The following CERS3 variants were observed in gnomAD, a reference collection of about 807,000 sequenced individuals.
CERS3 encodes LAG1 homolog, ceramide synthase 3.
In CERS3, 33 loss-of-function variants were observed where a neutral mutation model predicts 50.3. That is an observed-to-expected ratio of 0.66 (90% CI 0.50 to 0.88). The LOEUF is 0.88. Among genes scored for constraint, CERS3 ranks in the 40% least tolerant of loss-of-function variants. The probability of loss-of-function intolerance (pLI) is 0.00; values close to 1 mark genes in which losing one functional copy is unlikely to be tolerated. For missense variants in CERS3, 470 were observed against 460.3 expected, an observed-to-expected ratio of 1.02 and a Z score of -0.19; for synonymous variants, 176 against 155.2, an observed-to-expected ratio of 1.13 and a Z score of -0.99.
At chr15:100,479,609 C>A in intron 6 of CERS3, 131 bp from the exon 7 acceptor site, 1 of 665,212 alleles carries the variant, frequency 1.5e-6, no homozygotes, top group East Asian at 2.7e-5. Flanking sequence ...AGGAAATTGA[C>A]CTTTGCCATA....
chr15:100,514,501 A>G lies in CERS3; in HGVS notation c.-2+7166T>C, dbSNP rs1229060437. On this transcript the variant is annotated intron_variant, in intron 2 of 11. Transcript: ENST00000679737. ...GTGTACCTGGGAATATACATAAAAC[A>G]TAAAACTGGACACAATTTTTGAAAG... is the stretch of plus-strand genomic sequence containing the variant. 3.3e-5 allele frequency among the ~76,000 whole-genome samples: 5 copies of G among 152,348 alleles called. No homozygotes were observed. The East Asian group carries it at 7.7e-4, about 23-fold the overall frequency.
At chr15:100,425,983 C>G (rs1213005513) in intron 11 of CERS3, 1 of 152,272 alleles carries the variant, frequency 6.6e-6, no homozygotes, top group African/African-American at 2.4e-5. Flanking sequence ...TCTCTTCCTC[C>G]TACTCCAGCC....
chr15:100,526,229 G>A (rs974318210), intron 1 of CERS3, among the ~76,000 whole-genome samples: 3 of 152,216 alleles, frequency 2.0e-5, no homozygotes, highest in Non-Finnish European at 4.4e-5. Flanking sequence ...TTATAAAGGT[G>A]TACACCTGCA....
chr15:100,507,214 C>T lies in CERS3; in HGVS notation c.-1-5364G>A, dbSNP rs571119989. ...TTTATGACTTTATGGAAGAAAAAAA[C>T]AGTATGCTTTAAAAAGCAAAATTGA... On this transcript the variant is annotated intron_variant, in intron 2 of 11. Transcript: ENST00000679737. Among the ~76,000 whole-genome samples the T allele has an allele frequency of 2.6e-5, 4 of 152,262 alleles. No individual in the cohort carries two copies. In the South Asian group the frequency reaches 8.3e-4, roughly 32 times the overall value.
At chr15:100,543,314 C>G (rs1704260272) in intron 1 of CERS3, among the ~76,000 whole-genome samples, 1 of 152,128 alleles carries the variant, frequency 6.6e-6, no homozygotes, top group Non-Finnish European at 1.5e-5. Context: ...TTACGCTGCC[C>G]AAACCAACCT....
chr15:100,413,510 G>GACTATACTATACTATACTAT (rs56261519), intron 11 of CERS3, among the ~76,000 whole-genome samples: 19 of 149,652 alleles, frequency 1.3e-4, no homozygotes, highest in East Asian at 3.9e-4. Flanking sequence ...CACAACTGAC[G>GACTATACTATACTATACTAT]ACTATACTAT....
At chr15:100,422,015 T>C (rs2032469686) in intron 11 of CERS3, among the ~76,000 whole-genome samples, 2 of 107,726 alleles carry the variant, frequency 1.9e-5, no homozygotes, top group African/African-American at 3.4e-5. Context: ...ATTCAGGACA[T>C]AGGCATGGGC....
intron 9 of CERS3, among the ~76,000 whole-genome samples, chr15:100,470,037 C>T (rs890388974): frequency 7.2e-5 from 11 of 152,276 alleles, no homozygotes; most frequent in Middle Eastern, 6.8e-3. Flanking sequence ...TTCTTTTATG[C>T]TAGTCTATAC....
intron 11 of CERS3, among the ~76,000 whole-genome samples, chr15:100,419,890 CAAAGACACAACATA>C: frequency 1.3e-5 from 2 of 149,260 alleles, no homozygotes; most frequent in South Asian, 4.4e-4. Context: ...CCAACGAGAA[CAAAGACACAACATA>C]CCAGAATCTC....
chr15:100,459,327 G>A (rs1273929880), intron 10 of CERS3, among the ~76,000 whole-genome samples: 1 of 151,842 alleles, frequency 6.6e-6, no homozygotes, highest in Non-Finnish European at 1.5e-5. Flanking sequence ...ACATGGTCTC[G>A]CTCTGTCTCC....
At chr15:100,450,193 G>A (rs1373511123) in intron 11 of CERS3, among the ~76,000 whole-genome samples, 1 of 152,020 alleles carries the variant, frequency 6.6e-6, no homozygotes, top group Non-Finnish European at 1.5e-5. Flanking sequence ...GGCCAAGGTG[G>A]GCAGATCATG....
At chr15:100,469,516 G>T in intron 9 of CERS3, 32 bp from the exon 10 acceptor site, 1 of 1,391,508 alleles carries the variant, frequency 7.2e-7, no homozygotes, top group South Asian at 1.2e-5. Flanking sequence ...CAGATAAAGT[G>T]ACAATAGCCT....
At chr15:100,518,331 G>C (rs769573910) in intron 2 of CERS3, among the ~76,000 whole-genome samples, 10 of 152,032 alleles carry the variant, frequency 6.6e-5, no homozygotes, top group Non-Finnish European at 5.9e-5. Context: ...CAGGGACACA[G>C]AGAGAGAGAA....
At position 100,490,857 on chromosome 15, in the gene CERS3, A is replaced by C. The variant is rs1408659686; in HGVS notation, c.248T>G (p.Leu83Ter). The change falls in exon 4 of 12, where the codon TTA (leucine) becomes TGA (stop). Residue 83 changes from leucine (L) to a stop codon, truncating the protein, a stop_gained. Transcript: ENST00000679737. LOFTEE classifies it high-confidence loss of function. ...TVRKVTPNTV[L>*]ENFFKHSTRQ... ...TGTGGAATGTTTGAAAAAATTCTCT[A>C]AGACAGTATTTGGTGTAACCTTTCG... The C allele has an allele frequency of 1.9e-6, 3 of 1,612,578 alleles. No homozygotes were observed. The highest frequency in any genetic ancestry group is 2.5e-6 in the Non-Finnish European group (3 of 1,179,000).
At chr15:100,514,876 A>C (rs758365922) in intron 2 of CERS3, among the ~76,000 whole-genome samples, 36 of 152,232 alleles carry the variant, frequency 2.4e-4, no homozygotes, top group Non-Finnish European at 4.3e-4. Context: ...TATTGTTATC[A>C]CTGATTCAAC....
chr15:100,522,211 C>T (rs73475756), intron 1 of CERS3, among the ~76,000 whole-genome samples: 8,445 of 152,250 alleles, frequency 0.055, 441 homozygotes, highest in African/African-American at 0.12. Flanking sequence ...GTAACAATTA[C>T]AGTTTGTCAT....
At chr15:100,492,051 T>C (rs1165771633) in intron 3 of CERS3, among the ~76,000 whole-genome samples, 1 of 152,138 alleles carries the variant, frequency 6.6e-6, no homozygotes, top group Admixed American at 6.5e-5. Flanking sequence ...TTTTATTTCA[T>C]TGTGGTTGGA....
rs149731434 is a variant in CERS3, at chr15:100,441,283, C to A, written c.999+14610G>T. Among the ~76,000 whole-genome samples the A allele has an allele frequency of 8.9e-4, 132 of 149,142 alleles. No homozygotes were observed. The South Asian group carries it at 0.019, about 21-fold the overall frequency. On this transcript the variant is annotated intron_variant, in intron 11 of 11. Coordinates refer to ENST00000679737, the MANE Select transcript of CERS3 (RefSeq NM_001378789.1). ...TCCATGCCCCAACCCCTTATCTCTG[C>A]GCCCTGATCCCTTATTTCTGCACCC...
At chr15:100,418,675 CAG>C (rs1023736390) in intron 11 of CERS3, among the ~76,000 whole-genome samples, 6 of 131,592 alleles carry the variant, frequency 4.6e-5, no homozygotes, top group African/African-American at 1.7e-4. Flanking sequence ...TAAGGGCAGC[CAG>C]AGAGAAAGGT....
Sources: gnomAD v4.1 joint callset for allele counts (sites outside exome capture counted in the v4.1 genomes callset) on GRCh38, gnomAD v4.1.1 for gene constraint, MANE v1.5 for transcripts, NCBI Gene and HGNC (gene_info 2026-07-23, HGNC 2026-07-21) for gene names.